PIP4K2B: variants seen among roughly 807,000 people sequenced by gnomAD.
PIP4K2B encodes the protein phosphatidylinositol-5-phosphate 4-kinase type 2 beta, also known as phosphatidylinositol 5-phosphate 4-kinase type-2 beta.
A neutral mutation model predicts 42.0 loss-of-function variants in PIP4K2B; 3 were observed. That is an observed-to-expected ratio of 0.07 (90% confidence interval 0.03 to 0.18). The LOEUF (loss-of-function observed/expected upper bound fraction) is 0.18, where lower values mean the gene tolerates loss of function less well. PIP4K2B is among the 10% of genes least tolerant of loss of function. The pLI is 1.00. For synonymous variants in PIP4K2B, 204 were observed against 210.1 expected (o/e 0.97, Z 0.25); for missense variants, 332 against 562.3 (o/e 0.59, Z 4.14).
In PIP4K2B at chr17:38,799,268, T is replaced by C. The variant is rs1214964720; in HGVS notation, c.157A>G (p.Thr53Ala). The C allele has an allele frequency of 3.8e-6, 6 of 1,597,052 alleles. No individual in the cohort carries two copies. The highest frequency in any genetic ancestry group is 5.1e-6 in the Non-Finnish European group (6 of 1,173,536). Residue 53 changes from threonine to alanine, a missense_variant and splice_region_variant, in exon 1 of 10, where the codon ACG becomes GCG. By Grantham distance (58) the Thr-to-Ala change is moderately conservative. Transcript: ENST00000619039. The surrounding 1 kb of genome is among the most constrained non-coding windows in gnomAD (Gnocchi z 4.4). ...LSVLMWGVNH[T>A]INELSNVPVP... ...AGGGGCGCGCAGGAGCTGGTTACCG[T>C]GTGGTTCACCCCCCACATCAGGACG...
In PIP4K2B at chr17:38,793,442, C is replaced by T. The variant is rs544396014; in HGVS notation, c.159+5824G>A. Among the ~76,000 whole-genome samples, 7 of 151,974 alleles carry T rather than the reference C, an allele frequency of 4.6e-5. No homozygotes were observed. The East Asian group carries it at 1.4e-3, about 30-fold the overall frequency. On this transcript the variant is annotated intron_variant, in intron 1 of 9. Transcript: ENST00000619039. Reference sequence around the variant, plus strand: ...TATTTTTAGTAGAGACGGGGTTTCACCATGTTGGCCAGGCTGGTCTTGAAC... The same window carrying T: ...TATTTTTAGTAGAGACGGGGTTTCATCATGTTGGCCAGGCTGGTCTTGAAC...
intron 1 of PIP4K2B, among the ~76,000 whole-genome samples, chr17:38,795,378 G>A (rs971542110): frequency 1.3e-5 from 2 of 151,866 alleles, no homozygotes; most frequent in South Asian, 2.1e-4. Context: ...AGGCCAAGGC[G>A]GGAGGACCAC....
In PIP4K2B at chr17:38,779,407, A is replaced by T; in HGVS notation, c.630T>A (p.Thr210=). Residue 210 remains threonine, a synonymous_variant, in exon 5 of 10, where the codon ACT becomes ACA. Coordinates refer to ENST00000619039, the MANE Select transcript of PIP4K2B (RefSeq NM_003559.5). ...CCTTGAGGTCATACTTGCGATGCAC[A>T]GTGAGCCGATGGCTGAACACGTTCC... ...VTRNVFSHRL[T]VHRKYDLKGS... is the part of the protein sequence containing the mutation. 3 of 1,612,808 alleles carry T rather than the reference A, an allele frequency of 1.9e-6. No homozygotes were observed. Among genetic ancestry groups the T allele is most frequent in the Non-Finnish European group, 2.5e-6 (3 of 1,179,666 alleles).
rs1363109369 is a variant in PIP4K2B, at chr17:38,771,254, T to C, written c.826A>G (p.Ile276Val). The C allele has an allele frequency of 6.2e-7, 1 of 1,613,964 alleles. No homozygotes were observed. Among genetic ancestry groups the C allele is most frequent in the Non-Finnish European group, 8.5e-7 (1 of 1,179,996 alleles). ...CCCACCAGCAGGCTGTAGTCCATGATCTTCAGCTGTGCCAAGAACTAGGAA... is the reference window on the plus strand; with the variant it reads ...CCCACCAGCAGGCTGTAGTCCATGACCTTCAGCTGTGCCAAGAACTAGGAA... ...RDVEFLAQLK[I>V]MDYSLLVGIH... Residue 276 changes from isoleucine to valine, a missense_variant, in exon 8 of 10, where the codon ATC becomes GTC. Around this residue, in one of 6 missense-constraint regions of PIP4K2B, gnomAD observed 26 missense variants for 23.7 expected, o/e 1.10. Coordinates refer to ENST00000619039, the MANE Select transcript of PIP4K2B (RefSeq NM_003559.5).
chr17:38,772,949 A>G (rs551234404), intron 7 of PIP4K2B, among the ~76,000 whole-genome samples: 2 of 152,142 alleles, frequency 1.3e-5, no homozygotes, highest in East Asian at 1.9e-4. Flanking sequence ...GGTTGCTAAG[A>G]TCTCCTGTAA....
At chr17:38,780,356 C>T in intron 4 of PIP4K2B, 96 bp downstream of exon 4, 1 of 1,065,030 alleles carries the variant, frequency 9.4e-7, no homozygotes, top group South Asian at 1.8e-5. Context: ...CTGCCATTAC[C>T]AGAGAGGACC....
rs1909867446 is a variant in PIP4K2B at position 38,784,146 on chromosome 17, C to T, written c.354+97G>A. On this transcript the variant is annotated intron_variant, in intron 3 of 9. Transcript: ENST00000619039. ...CAAGGCATGACAGGGAGACACAGCA[C>T]AAAAACAGCCAACACGTTTTGATTC... 7 of 748,090 alleles carry T rather than the reference C, an allele frequency of 9.4e-6. No individual in the cohort carries two copies. In the South Asian group the frequency reaches 1.0e-4, roughly 11 times the overall value. The allele number at this position is 748,090 out of a possible 1,614,324, so 46.3% of individuals were successfully genotyped here.
At chr17:38,795,540 T>G (rs1329978711) in intron 1 of PIP4K2B, among the ~76,000 whole-genome samples, 2 of 150,732 alleles carry the variant, frequency 1.3e-5, no homozygotes, top group Non-Finnish European at 3.0e-5. Context: ...CACCTGAGGT[T>G]AGGAGTTTGA....
chr17:38,789,856 A>G (rs994959249), intron 1 of PIP4K2B, among the ~76,000 whole-genome samples: 6 of 152,144 alleles, frequency 3.9e-5, no homozygotes, highest in African/African-American at 1.4e-4. Context: ...ACTGGCATAG[A>G]CACAAGAGTG....
At chr17:38,784,201 T>C (rs1909870286) in intron 3 of PIP4K2B, 42 bp downstream of exon 3, 3 of 1,220,748 alleles carry the variant, frequency 2.5e-6, no homozygotes, top group African/African-American at 1.5e-5. Context: ...CCTGACCCCA[T>C]TCCATTCCCT....
At chr17:38,796,734 T>C (rs1303372463) in intron 1 of PIP4K2B, among the ~76,000 whole-genome samples, 1 of 152,194 alleles carries the variant, frequency 6.6e-6, no homozygotes, top group Non-Finnish European at 1.5e-5. Context: ...GATAAAGACA[T>C]ATCCATCCTT....
At chr17:38,771,302 G>A (rs1909027600) in intron 7 of PIP4K2B, 30 bp from the exon 8 acceptor site, 1 of 1,613,176 alleles carries the variant, frequency 6.2e-7, no homozygotes, top group South Asian at 1.1e-5. Context: ...AAAGATGGAA[G>A]GAAGAAGAGG....
chr17:38,778,538 C>A (rs1455726835), intron 5 of PIP4K2B, among the ~76,000 whole-genome samples, 166 bp from the exon 6 acceptor site: 1 of 152,200 alleles, frequency 6.6e-6, no homozygotes, highest in African/African-American at 2.4e-5. Flanking sequence ...TTATAGAGCT[C>A]TATGTGCAAG....
chr17:38,785,450 T>G (rs1909954399), intron 2 of PIP4K2B, among the ~76,000 whole-genome samples: 2 of 152,112 alleles, frequency 1.3e-5, no homozygotes, highest in Admixed American at 1.3e-4. Flanking sequence ...GGCAGGTGGA[T>G]CACCCTGACT....
At chr17:38,788,945 CAA>C (rs35436430) in intron 1 of PIP4K2B, among the ~76,000 whole-genome samples, 26 of 133,978 alleles carry the variant, frequency 1.9e-4, no homozygotes, top group African/African-American at 4.8e-4. Context: ...GACTCTGTCT[CAA>C]AAAAAAAAAA....
chr17:38,766,529 C>T lies in PIP4K2B; in HGVS notation c.*3162G>A, dbSNP rs1337581994. ...GGCAGGGCAGGAGTGTAGCCTCACG[C>T]CCTGAGCGCTACCAGCAGGCCTGTT... On this transcript the variant is annotated 3_prime_UTR_variant, in exon 10 of 10. Coordinates refer to ENST00000619039, the MANE Select transcript of PIP4K2B (RefSeq NM_003559.5). The T allele has an allele frequency of 6.6e-6, 1 of 152,658 alleles. No individual in the cohort carries two copies. Among genetic ancestry groups the T allele is most frequent in the Non-Finnish European group, 1.5e-5 (1 of 68,092 alleles). The allele number at this position is 152,658 out of a possible 1,614,324, so 9.5% of individuals were successfully genotyped here.
At chr17:38,795,099 C>CAAAAAAAAAAAAAAAAAAAAAAAAAAAAA (rs61707682) in intron 1 of PIP4K2B, among the ~76,000 whole-genome samples, 3 of 41,496 alleles carry the variant, frequency 7.2e-5, no homozygotes, top group Admixed American at 3.8e-4. Flanking sequence ...AACTCCATCT[C>CAAAAAAAAAAAAAAAAAAAAAAAAAAAAA]AAAAAAAAAA....
chr17:38,786,090 G>C (rs1222757904), intron 2 of PIP4K2B, among the ~76,000 whole-genome samples: 2 of 152,198 alleles, frequency 1.3e-5, no homozygotes, highest in Non-Finnish European at 2.9e-5. Flanking sequence ...TGGGAATGGT[G>C]GGGTGACAGA....
chr17:38,797,944 G>A (rs939315367), intron 1 of PIP4K2B, among the ~76,000 whole-genome samples: 1 of 152,112 alleles, frequency 6.6e-6, no homozygotes, highest in Admixed American at 6.6e-5. Flanking sequence ...TAACACCAGT[G>A]ATGACAGTGA....
Sources: gnomAD v4.1 joint callset for allele counts (sites outside exome capture counted in the v4.1 genomes callset) on GRCh38, gnomAD v4.1.1 for gene constraint, gnomAD v4.1.1 regional missense constraint, Gnocchi (gnomAD v3.1) non-coding constraint, MANE v1.5 for transcripts, NCBI Gene and HGNC (gene_info 2026-07-23, HGNC 2026-07-21) for gene names.